Variants in MAPRE3 observed in about 807,000 individuals in gnomAD.
MAPRE3 encodes the protein microtubule-associated protein RP/EB family member 3.
In MAPRE3, 2 loss-of-function variants were observed where a neutral mutation model predicts 30.5. The observed-to-expected ratio is 0.07, with a 90% CI of 0.03 to 0.21. The LOEUF (loss-of-function observed/expected upper bound fraction) is 0.21, where lower values mean the gene tolerates loss of function less well. Among genes scored for constraint, MAPRE3 ranks in the 10% least tolerant of loss-of-function variants. The pLI is 1.00. For missense variants in MAPRE3, 204 were observed against 351.8 expected, an observed-to-expected ratio of 0.58 and a Z score of 3.36; for synonymous variants, 110 against 127.7, an observed-to-expected ratio of 0.86 and a Z score of 0.93.
intron 1 of MAPRE3, among the ~76,000 whole-genome samples, chr2:26,995,116 C>G (rs1666424276): frequency 6.6e-6 from 1 of 152,120 alleles, no homozygotes; most frequent in Non-Finnish European, 1.5e-5. Flanking sequence ...CATATTGTCT[C>G]AAGTCAAAAC....
At chr2:27,006,169 G>A (rs924264387) in intron 1 of MAPRE3, among the ~76,000 whole-genome samples, 2 of 151,944 alleles carry the variant, frequency 1.3e-5, no homozygotes, top group African/African-American at 4.8e-5. Flanking sequence ...GTGACAGAGC[G>A]AGACCCCGTC....
At chr2:26,995,937 G>A (rs1220614019) in intron 1 of MAPRE3, among the ~76,000 whole-genome samples, 1 of 151,606 alleles carries the variant, frequency 6.6e-6, no homozygotes, top group African/African-American at 2.4e-5. Context: ...ATAGCAGAGG[G>A]AAGTATGTCT....
chr2:26,983,374 CTGTGGCTTCT>C, intron 1 of MAPRE3, among the ~76,000 whole-genome samples: 1 of 152,192 alleles, frequency 6.6e-6, no homozygotes, highest in Non-Finnish European at 1.5e-5. Context: ...TCTGCTTCCC[CTGTGGCTTCT>C]CAGACATGCA....
rs1343220172 is a variant in MAPRE3 at position 26,986,573 on chromosome 2, G to A, written c.-8+15771G>A. The A allele has an allele frequency of 6.6e-6, 1 of 152,212 alleles. No homozygotes were observed. The highest frequency in any genetic ancestry group is 1.5e-5 in the Non-Finnish European group (1 of 68,056). The allele number at this position is 152,212 out of a possible 1,614,324, so 9.4% of individuals were successfully genotyped here. ...CTACGTCAGCTGCAACAGAAAGATG[G>A]GGGTATGAATGTGAGCTAGGCAAGA... On this transcript the variant is annotated intron_variant, in intron 1 of 6. Coordinates refer to ENST00000233121, the MANE Select transcript of MAPRE3 (RefSeq NM_012326.4). This position sits in a 1 kb window ranked among gnomAD's most constrained non-coding sequence, Gnocchi z 4.2.
intron 1 of MAPRE3, among the ~76,000 whole-genome samples, chr2:26,995,736 C>T (rs1666437404): frequency 6.9e-6 from 1 of 144,716 alleles, no homozygotes; most frequent in Admixed American, 7.1e-5. Flanking sequence ...GAGGCCAAAT[C>T]AGAATGGGGA....
intron 1 of MAPRE3, among the ~76,000 whole-genome samples, chr2:26,984,159 T>C (rs1666171383): frequency 6.6e-6 from 1 of 152,242 alleles, no homozygotes; most frequent in Non-Finnish European, 1.5e-5. Flanking sequence ...GCCCATATTT[T>C]CAGAGAAACT....
chr2:27,016,011 A>G (rs1311500018), intron 1 of MAPRE3, among the ~76,000 whole-genome samples: 3 of 152,220 alleles, frequency 2.0e-5, no homozygotes, highest in Non-Finnish European at 4.4e-5. Context: ...GTCCTAGTAT[A>G]GGAAATGACT....
At chr2:26,984,389 C>T (rs1348096560) in intron 1 of MAPRE3, among the ~76,000 whole-genome samples, 1 of 152,202 alleles carries the variant, frequency 6.6e-6, no homozygotes, top group Non-Finnish European at 1.5e-5. Flanking sequence ...TTTTTCTACA[C>T]ACATACTAAC....
At chr2:27,023,998 C>G (rs1244556182) in intron 3 of MAPRE3, 98 bp from the exon 4 acceptor site, 2 of 917,110 alleles carry the variant, frequency 2.2e-6, no homozygotes, top group Non-Finnish European at 3.5e-6. Context: ...CGCTGCAGCC[C>G]AGGGGCTGGC....
At chr2:26,997,030 C>A (rs1008496802) in intron 1 of MAPRE3, 3 of 151,210 alleles carry the variant, frequency 2.0e-5, no homozygotes, top group Non-Finnish European at 4.4e-5. Flanking sequence ...TATCTGGAGA[C>A]CAAAGTTGTA....
chr2:27,007,671 G>A (rs1666760975), intron 1 of MAPRE3, among the ~76,000 whole-genome samples: 1 of 152,172 alleles, frequency 6.6e-6, no homozygotes, highest in African/African-American at 2.4e-5. Flanking sequence ...CAGGACTTGT[G>A]AAAAGTACAG....
rs572633372 is a variant in MAPRE3, at chr2:27,020,107, A to C, written c.-7-2105A>C. Among the ~76,000 whole-genome samples the C allele has an allele frequency of 2.2e-4, 34 of 152,334 alleles. No homozygotes were observed. In the South Asian group the frequency reaches 4.1e-3, roughly 19 times the overall value. On this transcript the variant is annotated intron_variant, in intron 1 of 6. Coordinates refer to ENST00000233121, the MANE Select transcript of MAPRE3 (RefSeq NM_012326.4). ...GCCACAATTGAGAACCATGGAACAG[A>C]GAATGAATGAACTTTGGGGTGGGGA...
intron 1 of MAPRE3, among the ~76,000 whole-genome samples, chr2:26,996,395 G>A (rs537892125): frequency 5.3e-5 from 8 of 152,082 alleles, no homozygotes; most frequent in Non-Finnish European, 7.4e-5. Context: ...GGGCTCAAGC[G>A]ATATTCCTGC....
In MAPRE3 at chr2:27,018,770, C is replaced by G. The variant is rs75669170; in HGVS notation, c.-7-3442C>G. On this transcript the variant is annotated intron_variant, in intron 1 of 6. Transcript: ENST00000233121. ...ACTCCCCTGACTCCAGTCTGCAATT[C>G]CACTCCACCAATATGGTTAGGCAGT... 4.3e-3 allele frequency among the ~76,000 whole-genome samples: 659 copies of G among 152,272 alleles called. 3 individuals carry two copies. The highest frequency in any genetic ancestry group is 0.015 in the African/African-American group (621 of 41,546).
chr2:26,978,558 T>C (rs1666058032), intron 1 of MAPRE3, among the ~76,000 whole-genome samples: 1 of 152,228 alleles, frequency 6.6e-6, no homozygotes, highest in African/African-American at 2.4e-5. Flanking sequence ...AGGCATCCTA[T>C]TAACACTCTT....
At chr2:26,976,524 G>T (rs549932636) in intron 1 of MAPRE3, among the ~76,000 whole-genome samples, 3 of 152,274 alleles carry the variant, frequency 2.0e-5, no homozygotes, top group Admixed American at 6.5e-5. Flanking sequence ...GAGTTGACTG[G>T]CCAATACTAG....
At chr2:26,999,289 G>C (rs1013111207) in intron 1 of MAPRE3, among the ~76,000 whole-genome samples, 3 of 152,078 alleles carry the variant, frequency 2.0e-5, no homozygotes, top group Non-Finnish European at 4.4e-5. Flanking sequence ...AGCAGGAAAA[G>C]TTGAAAGAAT....
At chr2:26,992,077 A>G (rs1300469075) in intron 1 of MAPRE3, among the ~76,000 whole-genome samples, 4 of 152,196 alleles carry the variant, frequency 2.6e-5, no homozygotes, top group Non-Finnish European at 5.9e-5. Flanking sequence ...TTACTACTCC[A>G]TAACTAAGGG....
intron 1 of MAPRE3, among the ~76,000 whole-genome samples, chr2:26,971,362 G>A (rs1214905408): frequency 1.3e-5 from 2 of 152,198 alleles, no homozygotes; most frequent in Admixed American, 6.5e-5. Flanking sequence ...GTTCTCACTG[G>A]CTGCTCAGAG....
Sources: allele counts gnomAD v4.1 joint callset (sites outside exome capture counted in the v4.1 genomes callset), GRCh38; gene constraint gnomAD v4.1.1; non-coding constraint Gnocchi (gnomAD v3.1); transcripts MANE v1.5; gene names NCBI Gene and HGNC (gene_info 2026-07-23, HGNC 2026-07-21).